Variants in LRBA observed in about 807,000 individuals in gnomAD.
LRBA encodes LPS responsive beige-like anchor protein.
In LRBA, 176 loss-of-function variants were observed where a neutral mutation model predicts 330.0. The ratio of observed to expected loss-of-function variants is 0.53; its 90% confidence interval spans 0.47 to 0.60. The LOEUF (loss-of-function observed/expected upper bound fraction) is 0.60. Among genes scored for constraint, LRBA ranks in the 20% least tolerant of loss-of-function variants. The probability of loss-of-function intolerance (pLI) is 0.00; values close to 1 mark genes in which losing one functional copy is unlikely to be tolerated. For missense variants in LRBA, 3,259 were observed against 3,444.8 expected (o/e 0.95, Z 1.35); for synonymous variants, 1,230 against 1,193.0 (o/e 1.03, Z -0.64).
chr4:150,442,718 T>C (rs1326895076), intron 44 of LRBA, among the ~76,000 whole-genome samples: 1 of 152,188 alleles, frequency 6.6e-6, no homozygotes, highest in Non-Finnish European at 1.5e-5. Context: ...GAATACAAGA[T>C]GGCTGAACTC....
intron 33 of LRBA, among the ~76,000 whole-genome samples, chr4:150,805,746 G>A (rs139054023): frequency 1.5e-3 from 222 of 151,990 alleles, no homozygotes; most frequent in Non-Finnish European, 2.6e-3. Flanking sequence ...TAAATAGCAT[G>A]GTTTCCAATC....
chr4:150,913,647 A>T (rs1458057629), intron 9 of LRBA, among the ~76,000 whole-genome samples: 1 of 152,170 alleles, frequency 6.6e-6, no homozygotes, highest in Non-Finnish European at 1.5e-5. Flanking sequence ...TCCTACTATA[A>T]TGGTGTTGCT....
intron 2 of LRBA, among the ~76,000 whole-genome samples, chr4:151,003,009 G>A (rs1029503970): frequency 1.3e-5 from 2 of 149,004 alleles, no homozygotes; most frequent in African/African-American, 4.9e-5. Flanking sequence ...GCAAGACCTT[G>A]TCTCAAAAAA....
intron 40 of LRBA, among the ~76,000 whole-genome samples, chr4:150,548,014 T>C (rs529949446): frequency 3.8e-4 from 58 of 152,294 alleles, no homozygotes; most frequent in Non-Finnish European, 5.0e-4. Flanking sequence ...TTATATTTTC[T>C]CTACATACAT....
At chr4:150,808,264 C>T in intron 32 of LRBA, 56 bp downstream of exon 32, 2 of 1,128,146 alleles carry the variant, frequency 1.8e-6, no homozygotes, top group South Asian at 2.7e-5. Context: ...ACCTAGATAG[C>T]TTAAAAAGTC....
chr4:150,610,689 G>C (rs1775165273), intron 37 of LRBA, among the ~76,000 whole-genome samples: 1 of 152,138 alleles, frequency 6.6e-6, no homozygotes, highest in Non-Finnish European at 1.5e-5. Flanking sequence ...AAATAAGGAA[G>C]GTTAAGGAAA....
At chr4:151,014,255 C>T (rs926917561) in intron 2 of LRBA, 172 bp downstream of exon 2, 5 of 577,978 alleles carry the variant, frequency 8.7e-6, no homozygotes, top group African/African-American at 5.6e-5. Context: ...GCACAATTCC[C>T]TTCAATCTAA....
chr4:150,454,190 A>G (rs185774722), intron 44 of LRBA, among the ~76,000 whole-genome samples: 1 of 152,154 alleles, frequency 6.6e-6, no homozygotes, highest in African/African-American at 2.4e-5. Flanking sequence ...TGATCTCCTG[A>G]CCTCATGATC....
chr4:150,513,115 T>C (rs919751945), intron 40 of LRBA, among the ~76,000 whole-genome samples: 1 of 152,150 alleles, frequency 6.6e-6, no homozygotes, highest in Non-Finnish European at 1.5e-5. Context: ...ATACATTGAA[T>C]GTATGATGGC....
intron 34 of LRBA, among the ~76,000 whole-genome samples, chr4:150,772,123 C>CA (rs1016903046): frequency 1.7e-4 from 26 of 152,116 alleles, no homozygotes; most frequent in African/African-American, 6.0e-4. Context: ...TTTATCCTTC[C>CA]AAAAAAAGTA....
intron 48 of LRBA, among the ~76,000 whole-genome samples, chr4:150,332,469 C>G (rs1734113407): frequency 6.6e-6 from 1 of 152,088 alleles, no homozygotes; most frequent in Non-Finnish European, 1.5e-5. Flanking sequence ...GACTATAAGT[C>G]TCCTTTAGAT....
chr4:150,933,359 C>T (rs2149515473), intron 2 of LRBA, among the ~76,000 whole-genome samples: 1 of 142,724 alleles, frequency 7.0e-6, no homozygotes, highest in African/African-American at 2.7e-5. Flanking sequence ...GAGCAAGACT[C>T]TGTCTCAAAA....
chr4:150,941,077 C>T (rs1735620685), intron 2 of LRBA, among the ~76,000 whole-genome samples: 2 of 152,074 alleles, frequency 1.3e-5, no homozygotes, highest in South Asian at 2.1e-4. Flanking sequence ...GAGAGACTCT[C>T]GTGCAGCCTG....
At chr4:150,365,593 A>AC (rs1739345631) in intron 47 of LRBA, among the ~76,000 whole-genome samples, 1 of 152,050 alleles carries the variant, frequency 6.6e-6, no homozygotes, top group East Asian at 1.9e-4. Context: ...AGAGTTCGAG[A>AC]CCAGCCTGAC....
Position 150,559,403 on chromosome 4 carries a change from A to G in LRBA, c.6330+28645T>C, listed in dbSNP as rs540339742. Among the ~76,000 whole-genome samples, 24 of 151,014 alleles carry G rather than the reference A, an allele frequency of 1.6e-4. No homozygotes were observed. In the South Asian group the frequency reaches 4.6e-3, roughly 29 times the overall value. On this transcript the variant is annotated intron_variant, in intron 40 of 56. Transcript: ENST00000651943. The stretch of plus-strand genomic sequence containing the variant: ...TGGTGAAACCCCGTCTCTACTAAAA[A>G]TACAAAAATTAGCTGGGTGTGGTGG...
rs182047483 is a variant in LRBA, at chr4:150,313,866, T to C, written c.7693+1695A>G. Among the ~76,000 whole-genome samples, 632 of 147,676 alleles carry C rather than the reference T, an allele frequency of 4.3e-3. 3 individuals are homozygous for C. The highest frequency in any genetic ancestry group is 0.014 in the African/African-American group (564 of 39,918). ...TATATATATATATATATATATAGCC[T>C]GAAGGTAATTTTATATAATATTTTA... On this transcript the variant is annotated intron_variant, in intron 51 of 56. Transcript: ENST00000651943.
chr4:150,966,674 G>A lies in LRBA; in HGVS notation c.217-37609C>T, dbSNP rs149039375. Among the ~76,000 whole-genome samples, 59 of 152,236 alleles carry A rather than the reference G, an allele frequency of 3.9e-4. No individual in the cohort carries two copies. In the East Asian group the frequency reaches 7.7e-3, roughly 20 times the overall value. On this transcript the variant is annotated intron_variant, in intron 2 of 56. Transcript: ENST00000651943. Reference sequence around the variant, plus strand: ...AATTAACTAAAAGGCAAATCAGGATGCTTTCTAGATAATTTTTTGTATTAT... The same window carrying A: ...AATTAACTAAAAGGCAAATCAGGATACTTTCTAGATAATTTTTTGTATTAT...
intron 40 of LRBA, among the ~76,000 whole-genome samples, chr4:150,537,675 G>A (rs1472947386): frequency 6.6e-6 from 1 of 152,056 alleles, no homozygotes; most frequent in Non-Finnish European, 1.5e-5. Flanking sequence ...AAAGGACCGG[G>A]CACAGTGGCT....
chr4:151,007,933 T>A (rs1744305389), intron 2 of LRBA, among the ~76,000 whole-genome samples: 2 of 151,164 alleles, frequency 1.3e-5, no homozygotes, highest in Admixed American at 6.6e-5. Flanking sequence ...TTAAAATGAA[T>A]CATAGGCCTA....
Sources: gnomAD v4.1 joint callset for allele counts (sites outside exome capture counted in the v4.1 genomes callset) on GRCh38, gnomAD v4.1.1 for gene constraint, MANE v1.5 for transcripts, NCBI Gene and HGNC (gene_info 2026-07-23, HGNC 2026-07-21) for gene names.